The following TRPC4 variants were observed in gnomAD, a reference collection of about 807,000 sequenced individuals.
TRPC4 encodes the protein transient receptor potential cation channel subfamily C member 4.
TRPC4 carries 49 observed loss-of-function variants against 99.4 expected under a neutral mutation model. That is an observed-to-expected ratio of 0.49 (90% confidence interval 0.39 to 0.63). TRPC4 has a LOEUF of 0.63. TRPC4 is among the 20% of genes least tolerant of loss of function. The probability of loss-of-function intolerance (pLI) is 0.00; values close to 1 mark genes in which losing one functional copy is unlikely to be tolerated. For synonymous variants in TRPC4, 454 were observed against 425.9 expected (o/e 1.07, Z -0.81); for missense variants, 898 against 1,152.9 (o/e 0.78, Z 3.20).
chr13:37,822,671 T>A (rs1272339397), intron 1 of TRPC4, among the ~76,000 whole-genome samples: 3 of 152,092 alleles, frequency 2.0e-5, no homozygotes, highest in African/African-American at 7.2e-5. Context: ...AGTCTATCAT[T>A]GTTGGACATT....
At chr13:37,688,078 C>T (rs1256743064) in intron 4 of TRPC4, among the ~76,000 whole-genome samples, 1 of 152,138 alleles carries the variant, frequency 6.6e-6, no homozygotes, top group East Asian at 1.9e-4. Flanking sequence ...TAAAGTTCAT[C>T]CTGACAGCAA....
intron 3 of TRPC4, among the ~76,000 whole-genome samples, chr13:37,728,240 G>T (rs1955126815): frequency 3.3e-5 from 5 of 151,538 alleles, no homozygotes. Context: ...GAAGAAAAAA[G>T]TAAAATTATC....
At chr13:37,850,717 C>A (rs1959031913) in intron 1 of TRPC4, among the ~76,000 whole-genome samples, 2 of 152,010 alleles carry the variant, frequency 1.3e-5, no homozygotes, top group Admixed American at 6.5e-5. Flanking sequence ...ATTAGACAAG[C>A]TGAGTAAATA....
intron 4 of TRPC4, among the ~76,000 whole-genome samples, chr13:37,686,741 T>A (rs1344656838): frequency 6.6e-6 from 1 of 152,174 alleles, no homozygotes; most frequent in Admixed American, 6.5e-5. Context: ...CAATAGAAGC[T>A]ATTTTTAACA....
At chr13:37,649,746 AAAAAAAAAAAAAAAC>A (rs1201972960) in intron 8 of TRPC4, among the ~76,000 whole-genome samples, 1 of 145,874 alleles carries the variant, frequency 6.9e-6, no homozygotes, top group African/African-American at 2.5e-5. Flanking sequence ...AAAAAAAAAA[AAAAAAAAAAAAAAAC>A]AACAACAAAG....
intron 1 of TRPC4, among the ~76,000 whole-genome samples, chr13:37,795,776 T>G (rs1957229037): frequency 6.6e-6 from 1 of 152,190 alleles, no homozygotes; most frequent in Non-Finnish European, 1.5e-5. Flanking sequence ...TTAATCCTCT[T>G]CTAATTTACT....
At chr13:37,684,926 T>A (rs1206549825) in intron 4 of TRPC4, among the ~76,000 whole-genome samples, 11 of 151,832 alleles carry the variant, frequency 7.2e-5, no homozygotes, top group African/African-American at 2.2e-4. Context: ...AAAGGAAACA[T>A]CTCTAGGTCA....
chr13:37,838,686 T>C lies in TRPC4; in HGVS notation c.-28+30909A>G, dbSNP rs150518463. The stretch of plus-strand genomic sequence containing the variant: ...ATTTACCTTTTACTTGCCCTGACTC[T>C]AATCAATATATACACAATATTCACT... On this transcript the variant is annotated intron_variant, in intron 1 of 10. Transcript: ENST00000379705. Among the ~76,000 whole-genome samples the C allele has an allele frequency of 3.3e-5, 5 of 152,330 alleles. No homozygotes were observed. In the East Asian group the frequency reaches 9.6e-4, roughly 29 times the overall value.
chr13:37,691,848 T>C (rs1953722954), intron 4 of TRPC4, 151 bp downstream of exon 4: 1 of 715,454 alleles, frequency 1.4e-6, no homozygotes, highest in Non-Finnish European at 2.2e-6. Flanking sequence ...AAAATAGTTG[T>C]TTGGCTTTGG....
At chr13:37,717,819 A>G (rs1954730020) in intron 3 of TRPC4, among the ~76,000 whole-genome samples, 1 of 152,098 alleles carries the variant, frequency 6.6e-6, no homozygotes, top group Admixed American at 6.6e-5. Flanking sequence ...TAACATATAG[A>G]CCAACCCCCC....
chr13:37,742,596 G>A (rs542684989), intron 3 of TRPC4, among the ~76,000 whole-genome samples: 4 of 152,112 alleles, frequency 2.6e-5, no homozygotes, highest in Admixed American at 6.6e-5. Context: ...ATGCTCCTGC[G>A]GTGAGACAAG....
intron 4 of TRPC4, among the ~76,000 whole-genome samples, chr13:37,675,321 G>A (rs1953008987): frequency 6.6e-6 from 1 of 152,138 alleles, no homozygotes; most frequent in Non-Finnish European, 1.5e-5. Context: ...TAAAATATAT[G>A]CACGTTCCTC....
chr13:37,742,795 T>C (rs1239356335), intron 3 of TRPC4, among the ~76,000 whole-genome samples: 1 of 152,194 alleles, frequency 6.6e-6, no homozygotes. Context: ...TTAAGGCACA[T>C]GATCTTACTA....
chr13:37,646,316 A>G (rs1207374629), intron 8 of TRPC4, among the ~76,000 whole-genome samples: 1 of 152,216 alleles, frequency 6.6e-6, no homozygotes, highest in African/African-American at 2.4e-5. Context: ...CATAAAACTA[A>G]GGAAGTTAAA....
intron 1 of TRPC4, among the ~76,000 whole-genome samples, chr13:37,825,374 A>G (rs1405083482): frequency 1.3e-5 from 2 of 150,034 alleles, no homozygotes; most frequent in African/African-American, 4.9e-5. Context: ...TAGGGTGTCA[A>G]TTTTGGATCT....
chr13:37,739,268 A>C (rs1419655714), intron 3 of TRPC4, among the ~76,000 whole-genome samples: 1 of 152,164 alleles, frequency 6.6e-6, no homozygotes, highest in Non-Finnish European at 1.5e-5. Flanking sequence ...ACATAGAAGA[A>C]GCATAAGGGA....
At chr13:37,790,476 C>T (rs1181495363) in intron 1 of TRPC4, among the ~76,000 whole-genome samples, 3 of 152,106 alleles carry the variant, frequency 2.0e-5, no homozygotes, top group Non-Finnish European at 4.4e-5. Context: ...AGATTGTAAA[C>T]CAATAACCAC....
intron 1 of TRPC4, among the ~76,000 whole-genome samples, chr13:37,809,218 G>A (rs1442836097): frequency 6.6e-6 from 1 of 152,086 alleles, no homozygotes; most frequent in Non-Finnish European, 1.5e-5. Context: ...GGAAGGTTGA[G>A]AGTGTACCCT....
chr13:37,839,804 TC>T (rs1958683140), intron 1 of TRPC4, among the ~76,000 whole-genome samples: 1 of 152,098 alleles, frequency 6.6e-6, no homozygotes, highest in African/African-American at 2.4e-5. Flanking sequence ...TGGGGTGGCT[TC>T]AGACAAGTCA....
Sources: gnomAD v4.1 joint callset for allele counts (sites outside exome capture counted in the v4.1 genomes callset) on GRCh38, gnomAD v4.1.1 for gene constraint, MANE v1.5 for transcripts, NCBI Gene and HGNC (gene_info 2026-07-23, HGNC 2026-07-21) for gene names.